SHROOM3: variants seen among roughly 807,000 people sequenced by gnomAD.
The protein encoded by SHROOM3 is shroom family member 3.
Under a neutral mutation model 138.6 loss-of-function variants are expected in SHROOM3, and 47 were observed. That is an observed-to-expected ratio of 0.34 (90% CI 0.27 to 0.43). SHROOM3 has a LOEUF of 0.43. SHROOM3 is among the 20% of genes least tolerant of loss of function. The pLI, the probability that SHROOM3 is intolerant of heterozygous loss-of-function variation, is 1.00. For missense variants in SHROOM3, 2,491 were observed against 2,596.5 expected (o/e 0.96, Z 0.88); for synonymous variants, 1,062 against 1,063.3 (o/e 1.00, Z 0.02).
chr4:76,477,633 G>A (rs1183674687), intron 1 of SHROOM3, among the ~76,000 whole-genome samples: 1 of 152,184 alleles, frequency 6.6e-6, no homozygotes, highest in Non-Finnish European at 1.5e-5. Flanking sequence ...TTGGAAACAA[G>A]TGAGATATCA....
Position 76,573,567 on chromosome 4 carries a change from G to A in SHROOM3, c.323+17804G>A, listed in dbSNP as rs987937578. 5 of 154,590 alleles carry A rather than the reference G, an allele frequency of 3.2e-5. No homozygotes were observed. The Middle Eastern group carries it at 1.6e-3, about 49-fold the overall frequency. The allele number at this position is 154,590 out of a possible 1,614,324, so 9.6% of individuals were successfully genotyped here. On this transcript the variant is annotated intron_variant, in intron 2 of 10. Transcript: ENST00000296043. ...CACTGCCCAGCTGTCTTGCTAAACA[G>A]TGTCTGGGGATTTGGAGAAGTGGTG...
intron 1 of SHROOM3, among the ~76,000 whole-genome samples, chr4:76,518,180 A>G (rs1579207580): frequency 6.6e-6 from 1 of 152,128 alleles, no homozygotes; most frequent in Non-Finnish European, 1.5e-5. Context: ...CATATAAAAT[A>G]TCAAATTATC....
chr4:76,712,847 T>C (rs1720270935), intron 3 of SHROOM3, among the ~76,000 whole-genome samples: 1 of 152,208 alleles, frequency 6.6e-6, no homozygotes, highest in Non-Finnish European at 1.5e-5. Context: ...ACCTAGATGG[T>C]GTGACCTACA....
chr4:76,756,906 A>G lies in SHROOM3; in HGVS notation c.5167A>G (p.Thr1723Ala), dbSNP rs552840485. 7.5e-5 allele frequency: 121 copies of G among 1,614,084 alleles called. 2 individuals are homozygous for G. The South Asian group carries it at 1.3e-3, about 17-fold the overall frequency. ...TGTAAAGAGGAAGGCCATACAGAGA[A>G]CTGTCAGCTCTTCAGGATGTGAAGG... ...NSVKRKAIQR[T>A]VSSSGCEGKR... The change falls in exon 8 of 11, where the codon ACT becomes GCT. Residue 1723 changes from threonine (T) to alanine (A), a missense_variant. Transcript: ENST00000296043.
In SHROOM3 at chr4:76,782,800, A is replaced by G. The variant is rs1305343844; in HGVS notation, c.*3623A>G. ...TGTGAAGGGGCTTTTCTACACAGGA[A>G]TATATTATCGGGAACAAAGTATTTC... On this transcript the variant is annotated 3_prime_UTR_variant, in exon 11 of 11. Coordinates refer to ENST00000296043, the MANE Select transcript of SHROOM3 (RefSeq NM_020859.4). 1 of 152,218 alleles carries G rather than the reference A, an allele frequency of 6.6e-6. No homozygotes were observed. The highest frequency in any genetic ancestry group is 6.5e-5 in the Admixed American group (1 of 15,286). The allele number at this position is 152,218 out of a possible 1,614,324, so 9.4% of individuals were successfully genotyped here. A position where few individuals can be genotyped will look rare whatever the true frequency, so the allele number is the denominator to read the frequency against.
intron 2 of SHROOM3, among the ~76,000 whole-genome samples, chr4:76,685,215 T>C (rs1286864226): frequency 2.0e-5 from 3 of 152,172 alleles, no homozygotes; most frequent in Non-Finnish European, 4.4e-5. Context: ...TTTCAACTTA[T>C]ATATAAGTTG....
intron 3 of SHROOM3, among the ~76,000 whole-genome samples, chr4:76,720,598 C>G (rs1302068948): frequency 6.6e-6 from 1 of 151,130 alleles, no homozygotes; most frequent in Non-Finnish European, 1.5e-5. Flanking sequence ...GATATAATCT[C>G]TCCCTGAATT....
intron 1 of SHROOM3, among the ~76,000 whole-genome samples, chr4:76,473,789 G>A (rs1731426959): frequency 6.6e-6 from 1 of 152,152 alleles, no homozygotes; most frequent in Admixed American, 6.5e-5. Context: ...CCTCTAGGAT[G>A]GCTGTACTCA....
At chr4:76,526,493 A>C (rs988027404) in intron 1 of SHROOM3, among the ~76,000 whole-genome samples, 10 of 152,144 alleles carry the variant, frequency 6.6e-5, no homozygotes, top group Non-Finnish European at 1.3e-4. Context: ...AGGAACTTGA[A>C]AATGTGACTC....
intron 3 of SHROOM3, among the ~76,000 whole-genome samples, chr4:76,712,784 G>A (rs1720269271): frequency 2.0e-5 from 3 of 152,186 alleles, no homozygotes; most frequent in African/African-American, 4.8e-5. Flanking sequence ...TCTGAGCAAT[G>A]TGTCATTAAG....
chr4:76,737,130 C>T (rs1721094830), intron 4 of SHROOM3, among the ~76,000 whole-genome samples: 1 of 152,108 alleles, frequency 6.6e-6, no homozygotes, highest in Admixed American at 6.5e-5. Context: ...TTATTGTGTC[C>T]ATTGTTCTGC....
intron 1 of SHROOM3, among the ~76,000 whole-genome samples, chr4:76,448,693 C>T (rs1006248705): frequency 6.6e-6 from 1 of 152,172 alleles, no homozygotes; most frequent in African/African-American, 2.4e-5. Flanking sequence ...TGTCAGCTTT[C>T]TTTACCCCCA....
intron 2 of SHROOM3, among the ~76,000 whole-genome samples, chr4:76,680,505 C>T (rs904682634): frequency 6.6e-6 from 1 of 152,090 alleles, no homozygotes. Context: ...GCTCGGGGAC[C>T]AAAATTTAAA....
chr4:76,454,612 T>A (rs1730990123), intron 1 of SHROOM3, among the ~76,000 whole-genome samples: 1 of 152,228 alleles, frequency 6.6e-6, no homozygotes, highest in Non-Finnish European at 1.5e-5. Flanking sequence ...AACCTACACA[T>A]TTGTCTTCTT....
In SHROOM3 at chr4:76,574,704, G is replaced by A. The variant is rs1217373904; in HGVS notation, c.323+18941G>A. Among the ~76,000 whole-genome samples, 3 of 152,194 alleles carry A rather than the reference G, an allele frequency of 2.0e-5. 1 individual carries two copies. The highest frequency in any genetic ancestry group is 4.8e-5 in the African/African-American group (2 of 41,448). ...ATGAACCCTAAGGACATTATGCTAAGTGAAATAAGCCAGTCACAAAAAGAC... is the reference window on the plus strand; with the variant it reads ...ATGAACCCTAAGGACATTATGCTAAATGAAATAAGCCAGTCACAAAAAGAC... On this transcript the variant is annotated intron_variant, in intron 2 of 10. Transcript: ENST00000296043.
chr4:76,601,976 G>A (rs17322390), intron 2 of SHROOM3, among the ~76,000 whole-genome samples: 41,297 of 152,194 alleles, frequency 0.27, 7,171 homozygotes, highest in Middle Eastern at 0.46. Flanking sequence ...CAGCTGATTG[G>A]TTCAGCACTC....
At chr4:76,572,169 G>A (rs779927635) in intron 2 of SHROOM3, among the ~76,000 whole-genome samples, 29 of 152,118 alleles carry the variant, frequency 1.9e-4, no homozygotes, top group Admixed American at 3.3e-4. Context: ...CTTTGACATG[G>A]CTAAGAATAG....
chr4:76,766,891 T>C (rs538224141), intron 9 of SHROOM3, among the ~76,000 whole-genome samples: 6 of 152,332 alleles, frequency 3.9e-5, no homozygotes, highest in Admixed American at 6.5e-5. Flanking sequence ...CCATGAGATA[T>C]CACATTAGAG....
At chr4:76,651,426 A>ATATATG (rs2110088603) in intron 2 of SHROOM3, among the ~76,000 whole-genome samples, 1 of 100,314 alleles carries the variant, frequency 1.0e-5, no homozygotes, top group South Asian at 3.0e-4. Flanking sequence ...ATATATATAT[A>ATATATG]TATATATATA....
Sources: allele counts gnomAD v4.1 joint callset (sites outside exome capture counted in the v4.1 genomes callset), GRCh38; gene constraint gnomAD v4.1.1; transcripts MANE v1.5; gene names NCBI Gene and HGNC (gene_info 2026-07-23, HGNC 2026-07-21).